Variants in BMPR2 observed in about 807,000 individuals in gnomAD.
BMPR2 encodes bone morphogenetic protein receptor type 2.
A neutral mutation model predicts 100.8 loss-of-function variants in BMPR2; 29 were observed. That is an observed-to-expected ratio of 0.29 (90% CI 0.21 to 0.39). BMPR2 has a LOEUF of 0.39. BMPR2 is among the 10% of genes least tolerant of loss of function. The pLI is 1.00. For synonymous variants in BMPR2, 382 were observed against 442.3 expected, an observed-to-expected ratio of 0.86 and a Z score of 1.71; for missense variants, 1,011 against 1,274.5, an observed-to-expected ratio of 0.79 and a Z score of 3.15.
At position 202,562,217 on chromosome 2, in the gene BMPR2, A is replaced by T. The variant is rs1431464267; in HGVS notation, c.*2271A>T. 1 of 152,474 alleles carries T rather than the reference A, an allele frequency of 6.6e-6. No individual in the cohort carries two copies. The highest frequency in any genetic ancestry group is 6.5e-5 in the Admixed American group (1 of 15,268). 9.4% of individuals were successfully genotyped at this position (152,474 alleles called of 1,614,324 possible). Reference sequence around the variant, plus strand: ...CTGATCTTTTCCTGCCAGAAGAGTTATCTTACGTTCTGCTATATTTGTATT... The same window carrying T: ...CTGATCTTTTCCTGCCAGAAGAGTTTTCTTACGTTCTGCTATATTTGTATT... On this transcript the variant is annotated 3_prime_UTR_variant, in exon 13 of 13. Coordinates refer to ENST00000374580, the MANE Select transcript of BMPR2 (RefSeq NM_001204.7).
rs1688667114 is a variant in BMPR2 at position 202,560,787 on chromosome 2, C to T, written c.*841C>T. ...TTATTTGCTTCTGGTTTTGGGAGTT[C>T]ATAAGAGAGAATAGAACAAAATACA... On this transcript the variant is annotated 3_prime_UTR_variant, in exon 13 of 13. Transcript: ENST00000374580. 1 of 152,450 alleles carries T rather than the reference C, an allele frequency of 6.6e-6. No homozygotes were observed. The highest frequency in any genetic ancestry group is 1.9e-4 in the East Asian group (1 of 5,196). 9.4% of individuals were successfully genotyped at this position (152,450 alleles called of 1,614,324 possible). A position where few individuals can be genotyped will look rare whatever the true frequency, so the allele number is the denominator to read the frequency against.
chr2:202,433,684 C>T (rs1338544244), intron 1 of BMPR2, among the ~76,000 whole-genome samples: 9 of 150,202 alleles, frequency 6.0e-5, no homozygotes, highest in Admixed American at 2.6e-4. Flanking sequence ...CTGAGGCGGG[C>T]GGATCACGAG....
chr2:202,513,690 A>T (rs760639661), intron 3 of BMPR2, 29 bp from the exon 4 acceptor site: 1 of 1,551,558 alleles, frequency 6.4e-7, no homozygotes, highest in South Asian at 1.1e-5. Context: ...TTAAAAAAAA[A>T]TGACATTTCA....
chr2:202,502,451 CAAA>C (rs976613348), intron 3 of BMPR2, among the ~76,000 whole-genome samples: 48 of 151,976 alleles, frequency 3.2e-4, no homozygotes, highest in Middle Eastern at 3.4e-3. Flanking sequence ...GAGGAAGAGA[CAAA>C]GAAGAAGTTG....
At chr2:202,409,410 C>T (rs1389255270) in intron 1 of BMPR2, among the ~76,000 whole-genome samples, 1 of 151,884 alleles carries the variant, frequency 6.6e-6, no homozygotes, top group Non-Finnish European at 1.5e-5. Context: ...CCAAAAACCC[C>T]ACAGGTATAT....
intron 1 of BMPR2, among the ~76,000 whole-genome samples, chr2:202,457,050 GGA>G (rs1214060309): frequency 1.3e-5 from 2 of 151,680 alleles, no homozygotes; most frequent in African/African-American, 4.8e-5. Flanking sequence ...TTTTAGAAGG[GGA>G]TATACCTTTC....
At chr2:202,416,503 G>A (rs1691128143) in intron 1 of BMPR2, among the ~76,000 whole-genome samples, 1 of 149,492 alleles carries the variant, frequency 6.7e-6, no homozygotes, top group Non-Finnish European at 1.5e-5. Context: ...TCGGCTCACT[G>A]CAACTTCTGC....
intron 1 of BMPR2, among the ~76,000 whole-genome samples, chr2:202,463,926 T>G (rs1229509701): frequency 1.3e-5 from 2 of 152,172 alleles, no homozygotes; most frequent in East Asian, 3.9e-4. Context: ...TTTGGAGGCC[T>G]AGTTGGGTGG....
chr2:202,531,072 G>C, intron 8 of BMPR2, 118 bp downstream of exon 8: 5 of 1,235,390 alleles, frequency 4.0e-6, no homozygotes, highest in Non-Finnish European at 5.7e-6. Context: ...GTAGGCCCAG[G>C]TGGGTGGATC....
chr2:202,557,060 G>T (rs772323871), intron 12 of BMPR2, among the ~76,000 whole-genome samples: 15 of 151,986 alleles, frequency 9.9e-5, no homozygotes, highest in Non-Finnish European at 1.3e-4. Flanking sequence ...GCCAGGCGTG[G>T]TGGCTCATGC....
chr2:202,418,801 T>A (rs1691194483), intron 1 of BMPR2, among the ~76,000 whole-genome samples: 1 of 152,212 alleles, frequency 6.6e-6, no homozygotes, highest in Non-Finnish European at 1.5e-5. Flanking sequence ...ATGTATCTTA[T>A]CAGTCTTTAA....
At chr2:202,382,916 A>G (rs1206189789) in intron 1 of BMPR2, among the ~76,000 whole-genome samples, 2 of 152,216 alleles carry the variant, frequency 1.3e-5, no homozygotes, top group Admixed American at 6.5e-5. Context: ...GAGCCTGGGA[A>G]TCTGCCTTTG....
At position 202,410,280 on chromosome 2, in the gene BMPR2, C is replaced by T. The variant is rs543883837; in HGVS notation, c.76+32730C>T. ...GATTACAGGTGTGAGTCACCATGCC[C>T]GGCCCCAGATCTTGGTTTCTAAATA... On this transcript the variant is annotated intron_variant, in intron 1 of 12. Coordinates refer to ENST00000374580, the MANE Select transcript of BMPR2 (RefSeq NM_001204.7). Among the ~76,000 whole-genome samples, 6 of 151,952 alleles carry T rather than the reference C, an allele frequency of 3.9e-5. No homozygotes were observed. In the East Asian group the frequency reaches 5.8e-4, roughly 15 times the overall value.
chr2:202,423,961 T>C (rs539750044), intron 1 of BMPR2, among the ~76,000 whole-genome samples: 68 of 150,498 alleles, frequency 4.5e-4, no homozygotes, highest in Non-Finnish European at 8.4e-4. Flanking sequence ...ACGTCCCAAC[T>C]ACATGGGAGG....
rs745511302 is a variant in BMPR2 at position 202,555,138 on chromosome 2, G to A, written c.1587-114G>A. The A allele has an allele frequency of 2.1e-4, 208 of 969,562 alleles. 1 individual carries two copies. The highest frequency in any genetic ancestry group is 1.3e-3 in the South Asian group (91 of 68,506). 60.1% of individuals were successfully genotyped at this position (969,562 alleles called of 1,614,324 possible). ...CTTTTTAACCTTTAGAAAAATGTAC[G>A]TTTGGAAGAAAATGAAAAACAACTC... On this transcript the variant is annotated intron_variant, in intron 11 of 12. Coordinates refer to ENST00000374580, the MANE Select transcript of BMPR2 (RefSeq NM_001204.7).
chr2:202,426,590 AG>A (rs1183590669), intron 1 of BMPR2, among the ~76,000 whole-genome samples: 1 of 149,624 alleles, frequency 6.7e-6, no homozygotes, highest in Non-Finnish European at 1.5e-5. Flanking sequence ...AAAAAAAAAA[AG>A]TAAATTTTGG....
At chr2:202,518,710 C>T (rs1459241522) in intron 5 of BMPR2, 112 bp from the exon 6 acceptor site, 1 of 912,496 alleles carries the variant, frequency 1.1e-6, no homozygotes, top group Non-Finnish European at 1.8e-6. Flanking sequence ...ATGGAATAAA[C>T]TGTAAGCAAC....
rs965410750 is a variant in BMPR2, at chr2:202,561,449, G to T, written c.*1503G>T. On this transcript the variant is annotated 3_prime_UTR_variant, in exon 13 of 13. Transcript: ENST00000374580. ...TATAATCTCCTCTAAAACAACCTCT[G>T]CATGTTTTTTTTAAATAAAGCACTT... 1 of 151,618 alleles carries T rather than the reference G, an allele frequency of 6.6e-6. No individual in the cohort carries two copies. The highest frequency in any genetic ancestry group is 1.5e-5 in the Non-Finnish European group (1 of 67,910). The allele number at this position is 151,618 out of a possible 1,614,324, so 9.4% of individuals were successfully genotyped here.
intron 1 of BMPR2, among the ~76,000 whole-genome samples, chr2:202,416,955 G>A (rs1691143090): frequency 6.6e-6 from 1 of 150,400 alleles, no homozygotes; most frequent in South Asian, 2.1e-4. Context: ...TCCTGTCTCA[G>A]CCTCCCGAGT....
Sources: gnomAD v4.1 joint callset for allele counts (sites outside exome capture counted in the v4.1 genomes callset) on GRCh38, gnomAD v4.1.1 for gene constraint, MANE v1.5 for transcripts, NCBI Gene and HGNC (gene_info 2026-07-23, HGNC 2026-07-21) for gene names.